The following MTAP variants were observed in gnomAD, a reference collection of about 807,000 sequenced individuals.
The protein encoded by MTAP is methylthioadenosine phosphorylase.
MTAP carries 33 observed loss-of-function variants against 33.6 expected under a neutral mutation model. The observed-to-expected ratio is 0.98, with a 90% CI of 0.74 to 1.31. The LOEUF is 1.31. Among genes scored for constraint, MTAP ranks in the 40% most tolerant of loss-of-function variants. The pLI, the probability that MTAP is intolerant of heterozygous loss-of-function variation, is 0.00. For missense variants in MTAP, 367 were observed against 360.0 expected, an observed-to-expected ratio of 1.02 and a Z score of -0.16; for synonymous variants, 148 against 125.7, an observed-to-expected ratio of 1.18 and a Z score of -1.19.
At chr9:21,824,113 T>C (rs754906975) in intron 4 of MTAP, among the ~76,000 whole-genome samples, 4 of 152,256 alleles carry the variant, frequency 2.6e-5, no homozygotes, top group African/African-American at 4.8e-5. Flanking sequence ...TCGTCAGTCA[T>C]TCTCCATCCA....
At chr9:21,822,561 A>G (rs907483643) in intron 4 of MTAP, among the ~76,000 whole-genome samples, 2 of 151,856 alleles carry the variant, frequency 1.3e-5, no homozygotes, top group Non-Finnish European at 2.9e-5. Context: ...TATGTGGTCA[A>G]TTTTGGAATA....
chr9:21,807,865 T>C (rs1824247125), intron 1 of MTAP, among the ~76,000 whole-genome samples: 1 of 152,240 alleles, frequency 6.6e-6, no homozygotes, highest in Non-Finnish European at 1.5e-5. Context: ...TTGATAATTT[T>C]ATGGATTAGT....
At chr9:21,814,571 T>C (rs954824947) in intron 1 of MTAP, among the ~76,000 whole-genome samples, 3 of 152,248 alleles carry the variant, frequency 2.0e-5, no homozygotes, top group Admixed American at 2.0e-4. Context: ...TTATTTATTT[T>C]TGTAATTGTT....
Position 21,863,125 on chromosome 9 carries a change from A to G in MTAP, c.*1111A>G. 1.0e-6 allele frequency: 1 copy of G among 981,510 alleles called. No homozygotes were observed. Among genetic ancestry groups the G allele is most frequent in the Non-Finnish European group, 1.2e-6 (1 of 826,348 alleles). The allele number at this position is 981,510 out of a possible 1,614,324, so 60.8% of individuals were successfully genotyped here. On this transcript the variant is annotated 3_prime_UTR_variant, in exon 8 of 8. Coordinates refer to ENST00000644715, the MANE Select transcript of MTAP (RefSeq NM_002451.4). ...GCTTTCTGAGAAAAGCTAGGTGTTT[A>G]ATAGTTTAACTGAAAGTTTAACTAT...
chr9:21,811,363 C>T (rs1409094807), intron 1 of MTAP, among the ~76,000 whole-genome samples: 1 of 152,178 alleles, frequency 6.6e-6, no homozygotes, highest in Non-Finnish European at 1.5e-5. Context: ...AGTAACTGTT[C>T]TGACCAGGTG....
intron 4 of MTAP, among the ~76,000 whole-genome samples, chr9:21,828,191 C>T (rs948746277): frequency 7.2e-5 from 11 of 152,176 alleles, no homozygotes; most frequent in African/African-American, 2.7e-4. Flanking sequence ...GTTTATGAGA[C>T]ATATGGATAA....
At chr9:21,826,756 A>C (rs1824820038) in intron 4 of MTAP, among the ~76,000 whole-genome samples, 1 of 152,040 alleles carries the variant, frequency 6.6e-6, no homozygotes, top group South Asian at 2.1e-4. Flanking sequence ...AGTTGAAATC[A>C]CAAGGGAAAG....
At chr9:21,844,048 A>G (rs985354974) in intron 5 of MTAP, among the ~76,000 whole-genome samples, 1 of 152,222 alleles carries the variant, frequency 6.6e-6, no homozygotes, top group Admixed American at 6.5e-5. Context: ...AACAGGAGAT[A>G]TTACAACCAA....
At chr9:21,899,146 C>T (rs891624285) in intron 1 of MTAP, among the ~76,000 whole-genome samples, 1 of 147,322 alleles carries the variant, frequency 6.8e-6, no homozygotes. Flanking sequence ...GAAAACCAAA[C>T]ACTGCATGTT....
At chr9:21,891,861 T>G (rs944901081) in intron 1 of MTAP, among the ~76,000 whole-genome samples, 46 of 152,070 alleles carry the variant, frequency 3.0e-4, no homozygotes, top group African/African-American at 1.1e-3. Context: ...AAAAAAATAC[T>G]AAAAGCAGCT....
chr9:21,890,057 A>AGG (rs1206399707), intron 1 of MTAP, among the ~76,000 whole-genome samples: 1 of 152,024 alleles, frequency 6.6e-6, no homozygotes, highest in Non-Finnish European at 1.5e-5. Flanking sequence ...GAGAAAGACC[A>AGG]TCAGGTGGGG....
chr9:21,883,820 C>A (rs1464230568), intron 1 of MTAP, among the ~76,000 whole-genome samples: 2 of 151,838 alleles, frequency 1.3e-5, no homozygotes. Context: ...CAATAGGAAG[C>A]TGGGGATGAA....
intron 5 of MTAP, among the ~76,000 whole-genome samples, 177 bp downstream of exon 5, chr9:21,838,187 TACTCTC>T (rs1765823424): frequency 6.6e-6 from 1 of 152,256 alleles, no homozygotes; most frequent in Non-Finnish European, 1.5e-5. Flanking sequence ...GTTCCTCTGT[TACTCTC>T]AGTCATTTTA....
intron 4 of MTAP, among the ~76,000 whole-genome samples, chr9:21,834,247 T>C (rs1175369348): frequency 6.6e-6 from 1 of 152,190 alleles, no homozygotes; most frequent in Non-Finnish European, 1.5e-5. Flanking sequence ...TTAAGGAAAC[T>C]GATATAACTG....
chr9:21,854,389 G>C (rs1038520705), intron 5 of MTAP, among the ~76,000 whole-genome samples: 1 of 152,212 alleles, frequency 6.6e-6, no homozygotes, highest in Admixed American at 6.5e-5. Flanking sequence ...GTGCTTGCTT[G>C]TGTAGCTATT....
chr9:21,931,738 T>G (rs1818962184), downstream of MTAP: 1 of 152,388 alleles, frequency 6.6e-6, no homozygotes, highest in East Asian at 1.9e-4. Context: ...GCACTTGGAT[T>G]TCTCAAGTTG....
At chr9:21,937,008 T>G (rs1385113677) in exon 8 of MTAP, 2 of 152,190 alleles carry the variant, frequency 1.3e-5, no homozygotes, top group African/African-American at 2.4e-5. Context: ...ACAAAATGAA[T>G]GACTCTTGTA....
intron 4 of MTAP, among the ~76,000 whole-genome samples, chr9:21,823,936 G>T (rs1031502529): frequency 6.6e-6 from 1 of 152,134 alleles, no homozygotes; most frequent in Non-Finnish European, 1.5e-5. Flanking sequence ...CGTAGTTCTC[G>T]TACTATGGTT....
At chr9:21,827,506 G>A (rs1057207491) in intron 4 of MTAP, among the ~76,000 whole-genome samples, 1 of 152,174 alleles carries the variant, frequency 6.6e-6, no homozygotes, top group Admixed American at 6.5e-5. Flanking sequence ...AATATCAGCA[G>A]TTTCATGTGG....
Sources: allele counts gnomAD v4.1 joint callset (sites outside exome capture counted in the v4.1 genomes callset), GRCh38; gene constraint gnomAD v4.1.1; transcripts MANE v1.5; gene names NCBI Gene and HGNC (gene_info 2026-07-23, HGNC 2026-07-21).